Variants in DZIP3 observed in about 807,000 individuals in gnomAD.
DZIP3 encodes the protein DAZ interacting zinc finger protein 3, also known as E3 ubiquitin-protein ligase DZIP3.
A neutral mutation model predicts 162.0 loss-of-function variants in DZIP3; 118 were observed. The observed-to-expected ratio is 0.73, with a 90% confidence interval of 0.63 to 0.85. The LOEUF (loss-of-function observed/expected upper bound fraction) is 0.85. Ranked by LOEUF, DZIP3 falls within the 40% of genes least tolerant of loss-of-function variation. DZIP3 has a pLI of 0.00. For synonymous variants in DZIP3, 438 were observed against 458.6 expected (o/e 0.96, Z 0.57); for missense variants, 1,331 against 1,407.0 (o/e 0.95, Z 0.86).
At chr3:108,624,082 G>A (rs1374319064) in intron 5 of DZIP3, among the ~76,000 whole-genome samples, 5 of 152,132 alleles carry the variant, frequency 3.3e-5, no homozygotes, top group African/African-American at 4.8e-5. Flanking sequence ...CAGGTAATGT[G>A]ATCACTCACC....
At chr3:108,620,211 A>T (rs1169749243) in intron 5 of DZIP3, among the ~76,000 whole-genome samples, 2 of 152,182 alleles carry the variant, frequency 1.3e-5, no homozygotes, top group Non-Finnish European at 2.9e-5. Flanking sequence ...GTTTCTGCCC[A>T]GGGAAGCCTA....
At chr3:108,658,842 A>G (rs1559764772) in intron 19 of DZIP3, among the ~76,000 whole-genome samples, 1 of 152,224 alleles carries the variant, frequency 6.6e-6, no homozygotes, top group Non-Finnish European at 1.5e-5. Flanking sequence ...ACAAACTACC[A>G]TCAGAGAATA....
At chr3:108,671,120 A>C (rs1432439205) in intron 22 of DZIP3, among the ~76,000 whole-genome samples, 1 of 151,858 alleles carries the variant, frequency 6.6e-6, no homozygotes, top group African/African-American at 2.4e-5. Flanking sequence ...ACTTAATTTG[A>C]TGAAGTCCGA....
chr3:108,634,319 T>G (rs547737996), intron 9 of DZIP3, among the ~76,000 whole-genome samples: 1 of 152,144 alleles, frequency 6.6e-6, no homozygotes, highest in East Asian at 1.9e-4. Flanking sequence ...CAGGAATACC[T>G]GGGCACACAA....
intron 22 of DZIP3, 100 bp downstream of exon 22, chr3:108,669,849 G>A (rs1356682201): frequency 4.1e-6 from 4 of 982,652 alleles, no homozygotes; most frequent in Non-Finnish European, 6.2e-6. Flanking sequence ...ATTCAAACCG[G>A]GGTACTTTTG....
At chr3:108,596,026 C>T (rs535308327) in intron 1 of DZIP3, among the ~76,000 whole-genome samples, 7 of 152,060 alleles carry the variant, frequency 4.6e-5, no homozygotes, top group South Asian at 4.2e-4. Flanking sequence ...TGAATGATAG[C>T]GGTAAGTATT....
intron 10 of DZIP3, 141 bp downstream of exon 10, chr3:108,635,113 CTTCTTTG>C: frequency 1.9e-6 from 1 of 521,094 alleles, no homozygotes; most frequent in East Asian, 3.2e-5. Flanking sequence ...CTTTTACTTC[CTTCTTTG>C]TTCTTTCCCA....
At chr3:108,623,187 C>G (rs974460684) in intron 5 of DZIP3, among the ~76,000 whole-genome samples, 4 of 151,992 alleles carry the variant, frequency 2.6e-5, no homozygotes, top group African/African-American at 9.7e-5. Flanking sequence ...GATACTCAAG[C>G]TGCAAGACAA....
intron 1 of DZIP3, chr3:108,603,205 C>T (rs1940130067): frequency 6.6e-6 from 1 of 152,162 alleles, no homozygotes; most frequent in Non-Finnish European, 1.5e-5. Context: ...GGATTGTTAT[C>T]TGGAAAAGGC....
chr3:108,612,579 T>A (rs2107513921), intron 4 of DZIP3, among the ~76,000 whole-genome samples: 1 of 152,248 alleles, frequency 6.6e-6, no homozygotes, highest in East Asian at 1.9e-4. Flanking sequence ...ACACCCCCGG[T>A]ACAAAAATCC....
At chr3:108,627,182 A>G (rs1403257700) in intron 7 of DZIP3, among the ~76,000 whole-genome samples, 1 of 152,240 alleles carries the variant, frequency 6.6e-6, no homozygotes, top group East Asian at 1.9e-4. Flanking sequence ...ACATAGCCTG[A>G]GACAAGAACA....
At chr3:108,657,030 G>A (rs562625649) in intron 19 of DZIP3, among the ~76,000 whole-genome samples, 2 of 152,252 alleles carry the variant, frequency 1.3e-5, no homozygotes, top group African/African-American at 4.8e-5. Context: ...AAAGTGATGG[G>A]GAGAATGCAA....
At chr3:108,621,219 A>C (rs757643724) in intron 5 of DZIP3, among the ~76,000 whole-genome samples, 2 of 152,248 alleles carry the variant, frequency 1.3e-5, no homozygotes, top group Non-Finnish European at 2.9e-5. Flanking sequence ...ATAATAAAAG[A>C]GACAGAGTGA....
intron 1 of DZIP3, among the ~76,000 whole-genome samples, chr3:108,605,076 A>G (rs1050996772): frequency 1.3e-5 from 2 of 152,250 alleles, no homozygotes; most frequent in Non-Finnish European, 2.9e-5. Context: ...TTCTTTTGAT[A>G]TAACATTCAG....
At chr3:108,680,202 A>G (rs1167705235) in intron 26 of DZIP3, among the ~76,000 whole-genome samples, 1 of 152,132 alleles carries the variant, frequency 6.6e-6, no homozygotes, top group Non-Finnish European at 1.5e-5. Context: ...TAAATGGGAA[A>G]AAGTTAGAAG....
chr3:108,631,091 T>TCTCTCTCTCTCTCTCTCTCG (rs1213783653), intron 8 of DZIP3, among the ~76,000 whole-genome samples: 1 of 147,568 alleles, frequency 6.8e-6, no homozygotes, highest in East Asian at 2.0e-4. Context: ...TCTCTCTCTC[T>TCTCTCTCTCTCTCTCTCTCG]CTCCTATCCT....
chr3:108,675,720 C>A, intron 24 of DZIP3, 66 bp from the exon 25 acceptor site: 1 of 1,392,462 alleles, frequency 7.2e-7, no homozygotes, highest in Non-Finnish European at 9.8e-7. Context: ...GCGTGATAGA[C>A]ATGTTTGGAA....
Position 108,672,561 on chromosome 3 carries a change from T to A in DZIP3, c.2494T>A (p.Ser832Thr), listed in dbSNP as rs1440593173. Residue 832 changes from serine to threonine, a missense_variant and splice_region_variant, in exon 23 of 33, where the codon TCT becomes ACT. By Grantham distance (58) the Ser-to-Thr change is moderately conservative. Transcript: ENST00000361582. Reference protein sequence around the residue: ...NLKEQLSMKRSQWEMEKHNLE... With the variant: ...NLKEQLSMKRTQWEMEKHNLE... ...GTCTTTAATGATCATGTATTTCAGA[T>A]CTCAGTGGGAAATGGAAAAACATAA... 2 of 1,610,960 alleles carry A rather than the reference T, an allele frequency of 1.2e-6. No individual in the cohort carries two copies. Among genetic ancestry groups the A allele is most frequent in the African/African-American group, 1.3e-5 (1 of 74,720 alleles).
intron 27 of DZIP3, 138 bp downstream of exon 27, chr3:108,684,479 TC>T (rs1944431346): frequency 8.1e-6 from 9 of 1,106,358 alleles, no homozygotes; most frequent in Non-Finnish European, 9.0e-6. Flanking sequence ...AATGAATACT[TC>T]CTGTGAAGCA....
Sources: gnomAD v4.1 joint callset for allele counts (sites outside exome capture counted in the v4.1 genomes callset) on GRCh38, gnomAD v4.1.1 for gene constraint, MANE v1.5 for transcripts, NCBI Gene and HGNC (gene_info 2026-07-23, HGNC 2026-07-21) for gene names.